ZNF438: variants seen among roughly 807,000 people sequenced by gnomAD.
ZNF438 encodes zinc finger protein 438.
Under a neutral mutation model 38.0 loss-of-function variants are expected in ZNF438, and 25 were observed. The ratio of observed to expected loss-of-function variants is 0.66; its 90% CI spans 0.48 to 0.92. The LOEUF (loss-of-function observed/expected upper bound fraction) is 0.92, where lower values mean the gene tolerates loss of function less well. Among genes scored for constraint, ZNF438 ranks in the 40% least tolerant of loss-of-function variants. The pLI, the probability that ZNF438 is intolerant of heterozygous loss-of-function variation, is 0.00. For synonymous variants in ZNF438, 372 were observed against 364.1 expected, an observed-to-expected ratio of 1.02 and a Z score of -0.25; for missense variants, 1,007 against 999.6, an observed-to-expected ratio of 1.01 and a Z score of -0.10.
Position 31,002,144 on chromosome 10 carries a change from C to T in ZNF438, c.-192+29689G>A, listed in dbSNP as rs561084857. ...TGGGTCCATTTCCTTAAAGCCTCTC[C>T]AGAATTGTCAGTTATTTTAATTTTC... On this transcript the variant is annotated intron_variant, in intron 1 of 5. Coordinates refer to ENST00000413025, the Ensembl canonical transcript of ZNF438. Among the ~76,000 whole-genome samples the T allele has an allele frequency of 2.0e-4, 30 of 152,292 alleles. 1 individual carries two copies. The South Asian group carries it at 6.0e-3, about 31-fold the overall frequency.
At chr10:30,934,127 CAG>C (rs2045978202) in intron 2 of ZNF438, among the ~76,000 whole-genome samples, 1 of 146,164 alleles carries the variant, frequency 6.8e-6, no homozygotes, top group Admixed American at 7.0e-5. Flanking sequence ...GCCTGGGCGA[CAG>C]AGTGAGACTC....
At chr10:30,898,493 C>T (rs2041620632) in intron 3 of ZNF438, among the ~76,000 whole-genome samples, 1 of 151,864 alleles carries the variant, frequency 6.6e-6, no homozygotes, top group Non-Finnish European at 1.5e-5. Context: ...GCACTTCCAC[C>T]TTTAATTGGG....
chr10:30,865,423 A>T (rs1324980727), intron 4 of ZNF438, among the ~76,000 whole-genome samples: 1 of 150,758 alleles, frequency 6.6e-6, no homozygotes, highest in Non-Finnish European at 1.5e-5. Context: ...TTAAGCAGCG[A>T]CAAAGTAATT....
At chr10:30,922,039 G>C (rs1314676281) in intron 2 of ZNF438, among the ~76,000 whole-genome samples, 1 of 152,154 alleles carries the variant, frequency 6.6e-6, no homozygotes, top group East Asian at 1.9e-4. Context: ...GTCTCATACA[G>C]ATTTTATTAA....
chr10:30,941,216 C>T (rs1030941390), intron 2 of ZNF438, among the ~76,000 whole-genome samples: 2 of 152,054 alleles, frequency 1.3e-5, no homozygotes, highest in South Asian at 2.1e-4. Context: ...GGACTACAGG[C>T]GCCTGCCACC....
chr10:30,869,917 A>C (rs2037117023), intron 4 of ZNF438, among the ~76,000 whole-genome samples: 1 of 152,230 alleles, frequency 6.6e-6, no homozygotes, highest in Non-Finnish European at 1.5e-5. Flanking sequence ...GCATCAAATT[A>C]CAGTGGTACT....
At chr10:31,026,850 A>T (rs890189603) in intron 1 of ZNF438, among the ~76,000 whole-genome samples, 4 of 152,222 alleles carry the variant, frequency 2.6e-5, no homozygotes, top group African/African-American at 9.6e-5. Flanking sequence ...CCAAATGTCC[A>T]TCAATGATAG....
intron 4 of ZNF438, among the ~76,000 whole-genome samples, chr10:30,859,227 G>A (rs1281232694): frequency 2.0e-5 from 3 of 152,034 alleles, no homozygotes; most frequent in Non-Finnish European, 4.4e-5. Flanking sequence ...GACTACAGGC[G>A]CACACCAACA....
At chr10:30,942,780 C>G (rs1277115758) in intron 1 of ZNF438, among the ~76,000 whole-genome samples, 4 of 152,252 alleles carry the variant, frequency 2.6e-5, no homozygotes, top group Non-Finnish European at 4.4e-5. Context: ...TCAGAATCAT[C>G]TGTGTAGTCT....
chr10:30,859,777 T>C (rs2035277571), intron 4 of ZNF438, among the ~76,000 whole-genome samples: 1 of 152,210 alleles, frequency 6.6e-6, no homozygotes, highest in Non-Finnish European at 1.5e-5. Flanking sequence ...CTAGAGACTA[T>C]CAGGTTGTTG....
intron 3 of ZNF438, among the ~76,000 whole-genome samples, chr10:30,881,856 T>C (rs965459642): frequency 6.6e-6 from 1 of 152,170 alleles, no homozygotes; most frequent in African/African-American, 2.4e-5. Context: ...AGGATGATGC[T>C]TTCTCTGTAT....
chr10:30,946,110 T>C, intron 1 of ZNF438, among the ~76,000 whole-genome samples: 1 of 151,562 alleles, frequency 6.6e-6, no homozygotes, highest in East Asian at 1.9e-4. Context: ...TGGTGTGAGA[T>C]GGTATCTCAT....
At chr10:30,854,538 A>G (rs2132932719) in intron 4 of ZNF438, among the ~76,000 whole-genome samples, 1 of 152,322 alleles carries the variant, frequency 6.6e-6, no homozygotes, top group South Asian at 2.1e-4. Context: ...AGTGGGGAAA[A>G]AAAGAACACA....
At chr10:30,990,455 G>T (rs899872141) in intron 1 of ZNF438, among the ~76,000 whole-genome samples, 1 of 152,106 alleles carries the variant, frequency 6.6e-6, no homozygotes, top group Non-Finnish European at 1.5e-5. Flanking sequence ...TCAGATACTT[G>T]CCAGAAATAC....
chr10:30,895,637 A>G (rs575163117), intron 3 of ZNF438, among the ~76,000 whole-genome samples: 131 of 152,350 alleles, frequency 8.6e-4, no homozygotes, highest in Non-Finnish European at 1.3e-3. Context: ...TCCAGAATAT[A>G]TAAAGAACTC....
intron 1 of ZNF438, among the ~76,000 whole-genome samples, chr10:30,981,288 G>A (rs555813702): frequency 6.6e-6 from 1 of 152,294 alleles, no homozygotes; most frequent in East Asian, 1.9e-4. Flanking sequence ...CACCCCAGGA[G>A]AATCCACTCT....
At chr10:30,886,085 T>C (rs1300841273) in intron 3 of ZNF438, among the ~76,000 whole-genome samples, 1 of 152,216 alleles carries the variant, frequency 6.6e-6, no homozygotes, top group Non-Finnish European at 1.5e-5. Context: ...TATAACTTCA[T>C]CACTGAAAAA....
At chr10:30,921,777 A>G (rs1350155571) in intron 2 of ZNF438, among the ~76,000 whole-genome samples, 1 of 152,216 alleles carries the variant, frequency 6.6e-6, no homozygotes, top group Non-Finnish European at 1.5e-5. Flanking sequence ...CTTAAGAGAT[A>G]TGTAGGCCTA....
chr10:30,849,385 G>A, exon 5 of ZNF438: 9 of 1,614,192 alleles, frequency 5.6e-6, no homozygotes, highest in African/African-American at 1.3e-5. Context: ...TTGCCACCTT[G>A]GTGGCTGCAT....
Sources: gnomAD v4.1 joint callset for allele counts (sites outside exome capture counted in the v4.1 genomes callset) on GRCh38, gnomAD v4.1.1 for gene constraint, MANE v1.5 for transcripts, NCBI Gene and HGNC (gene_info 2026-07-23, HGNC 2026-07-21) for gene names.